Variants in MKLN1 observed in about 807,000 individuals in gnomAD.
MKLN1 encodes the protein muskelin 1.
A neutral mutation model predicts 99.0 loss-of-function variants in MKLN1; 18 were observed. That is an observed-to-expected ratio of 0.18 (90% confidence interval 0.13 to 0.27). The LOEUF is 0.27. Ranked by LOEUF, MKLN1 falls within the 10% of genes least tolerant of loss-of-function variation. MKLN1 has a pLI of 1.00. For synonymous variants in MKLN1, 288 were observed against 293.2 expected, an observed-to-expected ratio of 0.98 and a Z score of 0.18; for missense variants, 621 against 875.9, an observed-to-expected ratio of 0.71 and a Z score of 3.67.
intron 3 of MKLN1, among the ~76,000 whole-genome samples, chr7:131,208,786 T>C (rs1796856235): frequency 6.6e-6 from 1 of 152,218 alleles, no homozygotes; most frequent in Non-Finnish European, 1.5e-5. Flanking sequence ...AGGTCCCAGC[T>C]CTCATGGAGC....
Position 131,437,856 on chromosome 7 carries a change from G to A in MKLN1, c.1032G>A (p.Gly344=). 1 of 1,613,802 alleles carries A rather than the reference G, an allele frequency of 6.2e-7. No individual in the cohort carries two copies. The highest frequency in any genetic ancestry group is 8.5e-7 in the Non-Finnish European group (1 of 1,179,854). Residue 344 remains glycine (G), a synonymous_variant, in exon 10 of 18, where the codon GGG becomes GGA. Transcript: ENST00000352689. ...AACGGAGGCAAATCTACACATTGGG[G>A]CGTTACTTGGATTCCTCTGTGAGGA... ...DIQRRQIYTL[G]RYLDSSVRNS...
chr7:131,458,725 A>G (rs903595324), intron 12 of MKLN1, among the ~76,000 whole-genome samples: 3 of 151,942 alleles, frequency 2.0e-5, no homozygotes, highest in East Asian at 1.9e-4. Context: ...ATATATATAT[A>G]TGTAGTCATA....
At chr7:131,311,323 C>T (rs1435710352) in intron 3 of MKLN1, 1 of 152,044 alleles carries the variant, frequency 6.6e-6, no homozygotes, top group Non-Finnish European at 1.5e-5. Flanking sequence ...CTTAGAATAG[C>T]CATGGTTAAA....
chr7:131,478,440 T>C, intron 16 of MKLN1, 183 bp from the exon 17 acceptor site: 1 of 468,776 alleles, frequency 2.1e-6, no homozygotes, highest in Non-Finnish European at 3.5e-6. Context: ...AGTAGAAAAG[T>C]CATTATATTC....
At chr7:131,327,167 G>T (rs551930996), upstream of MKLN1, 16 of 152,316 alleles carry the variant, frequency 1.1e-4, no homozygotes, top group African/African-American at 3.9e-4. Context: ...AAAGTGGGCA[G>T]ATTTGCCAAC....
intron 2 of MKLN1, 98 bp downstream of exon 2, chr7:131,375,591 T>C (rs1793618884): frequency 1.4e-6 from 1 of 731,930 alleles, no homozygotes. Flanking sequence ...TAGTTTATTC[T>C]CTTTTTGAGA....
At chr7:131,369,723 C>A (rs1469530908) in intron 1 of MKLN1, among the ~76,000 whole-genome samples, 1 of 152,122 alleles carries the variant, frequency 6.6e-6, no homozygotes, top group East Asian at 1.9e-4. Context: ...CAAATAGTTA[C>A]TTTTTGTTTT....
intron 3 of MKLN1, among the ~76,000 whole-genome samples, chr7:131,255,395 A>G (rs1452480816): frequency 6.6e-6 from 1 of 152,236 alleles, no homozygotes; most frequent in South Asian, 2.1e-4. Flanking sequence ...GCAGCAAGGG[A>G]AAAACACAAA....
intron 6 of MKLN1, among the ~76,000 whole-genome samples, chr7:131,403,190 A>C (rs1794599944): frequency 6.6e-6 from 1 of 152,162 alleles, no homozygotes; most frequent in Admixed American, 6.5e-5. Flanking sequence ...CATCTTCTAT[A>C]ATACATCAAC....
chr7:131,270,278 A>G (rs1797865542), intron 3 of MKLN1, among the ~76,000 whole-genome samples: 1 of 151,976 alleles, frequency 6.6e-6, no homozygotes, highest in Non-Finnish European at 1.5e-5. Context: ...GCTGGAGTGC[A>G]GTGGCACAAT....
At chr7:131,432,529 C>T (rs1039334328) in intron 9 of MKLN1, among the ~76,000 whole-genome samples, 17 of 152,186 alleles carry the variant, frequency 1.1e-4, no homozygotes, top group African/African-American at 3.9e-4. Context: ...CTCATAAAAA[C>T]CTCCGCCTCC....
chr7:131,341,637 T>G (rs1799410811), intron 1 of MKLN1, among the ~76,000 whole-genome samples: 1 of 152,208 alleles, frequency 6.6e-6, no homozygotes, highest in South Asian at 2.1e-4. Context: ...GCAAGGCAGT[T>G]TTTCCATGGA....
At chr7:131,189,937 T>C (rs1296799605) in intron 2 of MKLN1, among the ~76,000 whole-genome samples, 1 of 152,160 alleles carries the variant, frequency 6.6e-6, no homozygotes. Flanking sequence ...GAACAAATGA[T>C]GCTTCCAAAA....
chr7:131,337,499 C>G (rs555569575), intron 1 of MKLN1, among the ~76,000 whole-genome samples: 1 of 152,094 alleles, frequency 6.6e-6, no homozygotes, highest in Admixed American at 6.5e-5. Context: ...TTAACCCCAT[C>G]TATTCTTAAT....
intron 3 of MKLN1, among the ~76,000 whole-genome samples, chr7:131,275,559 ATATATATATTTTTTTTT>A (rs1357611763): frequency 1.4e-4 from 2 of 14,462 alleles, no homozygotes; most frequent in East Asian, 2.2e-3. Context: ...ATATATATAT[ATATATATATTTTTTTTT>A]TTTTTTTTTT....
intron 12 of MKLN1, among the ~76,000 whole-genome samples, chr7:131,449,825 G>T (rs1013561749): frequency 6.6e-6 from 1 of 151,964 alleles, no homozygotes; most frequent in Non-Finnish European, 1.5e-5. Flanking sequence ...TCAGTCCTTA[G>T]TTAACCTTAA....
chr7:131,140,774 CT>C (rs35228515), intron 1 of MKLN1, among the ~76,000 whole-genome samples: 28 of 146,880 alleles, frequency 1.9e-4, no homozygotes, highest in East Asian at 4.1e-4. Flanking sequence ...ACACACCATC[CT>C]TTTTTTTTTT....
chr7:131,187,727 G>A (rs1269505733), intron 2 of MKLN1, among the ~76,000 whole-genome samples: 2 of 152,120 alleles, frequency 1.3e-5, no homozygotes, highest in Middle Eastern at 3.2e-3. Flanking sequence ...CCAGGATTTC[G>A]AGACCAGAGT....
intron 3 of MKLN1, among the ~76,000 whole-genome samples, chr7:131,231,030 G>T (rs921689538): frequency 6.5e-5 from 9 of 138,336 alleles, no homozygotes; most frequent in African/African-American, 2.4e-4. Flanking sequence ...CGAGGCACGA[G>T]AATCGTTTGA....
Sources: gnomAD v4.1 joint callset for allele counts (sites outside exome capture counted in the v4.1 genomes callset) on GRCh38, gnomAD v4.1.1 for gene constraint, MANE v1.5 for transcripts, NCBI Gene and HGNC (gene_info 2026-07-23, HGNC 2026-07-21) for gene names.